The following C12orf42 variants were observed in gnomAD, a reference collection of about 807,000 sequenced individuals.
C12orf42 encodes the protein uncharacterized protein C12orf42.
C12orf42 carries 25 observed loss-of-function variants against 21.6 expected under a neutral mutation model. The ratio of observed to expected loss-of-function variants is 1.16; its 90% confidence interval spans 0.84 to 1.62. The LOEUF (loss-of-function observed/expected upper bound fraction) is 1.62. C12orf42 is among the 40% of genes most tolerant of loss of function. The probability of loss-of-function intolerance (pLI) is 0.00; values close to 1 mark genes in which losing one functional copy is unlikely to be tolerated. For missense variants in C12orf42, 483 were observed against 459.3 expected, an observed-to-expected ratio of 1.05 and a Z score of -0.47; for synonymous variants, 174 against 175.0, an observed-to-expected ratio of 0.99 and a Z score of 0.05.
the C12orf42 span, among the ~76,000 whole-genome samples, chr12:103,105,380 A>T: frequency 6.6e-6 from 1 of 152,228 alleles, no homozygotes; most frequent in African/African-American, 2.4e-5. Flanking sequence ...AATCCTAAAC[A>T]AATTAATGCA....
chr12:103,073,611 G>A, the C12orf42 span, among the ~76,000 whole-genome samples: 2 of 152,120 alleles, frequency 1.3e-5, no homozygotes, highest in African/African-American at 2.4e-5. Flanking sequence ...TCTTGGTCAC[G>A]GTATATGACC....
At chr12:103,265,801 G>GTTTTT (rs1202668018), downstream of C12orf42, among the ~76,000 whole-genome samples, 1 of 90,216 alleles carries the variant, frequency 1.1e-5, no homozygotes, top group Non-Finnish European at 2.1e-5. Context: ...TTCTTAGGCT[G>GTTTTT]TTTTGTTTTG....
At chr12:103,508,444 A>T in the C12orf42 span, among the ~76,000 whole-genome samples, 16 of 135,182 alleles carry the variant, frequency 1.2e-4, no homozygotes, top group African/African-American at 4.4e-4. Flanking sequence ...TTCCAAATTT[A>T]ACATTTAAAT....
At chr12:103,256,921 T>A (rs1026103635) in intron 10 of C12orf42, among the ~76,000 whole-genome samples, 2 of 152,214 alleles carry the variant, frequency 1.3e-5, no homozygotes, top group Non-Finnish European at 2.9e-5. Context: ...CAGCATCTGT[T>A]ATTTTTTGAC....
downstream of C12orf42, among the ~76,000 whole-genome samples, chr12:103,232,638 G>A (rs771055617): frequency 2.0e-5 from 3 of 150,678 alleles, no homozygotes; most frequent in Non-Finnish European, 2.9e-5. Context: ...ATGAAGCCGG[G>A]AGGCAGAGCT....
At chr12:103,153,734 G>A in the C12orf42 span, among the ~76,000 whole-genome samples, 6 of 151,956 alleles carry the variant, frequency 3.9e-5, no homozygotes, top group Non-Finnish European at 8.8e-5. Context: ...CAACCATCTC[G>A]CAAACTGTTT....
chr12:103,496,381 C>T (rs1037988025), upstream of C12orf42, among the ~76,000 whole-genome samples: 8 of 152,166 alleles, frequency 5.3e-5, no homozygotes, highest in African/African-American at 1.9e-4. Flanking sequence ...CAGAGCAAGG[C>T]TGTAGATGGG....
the C12orf42 span, among the ~76,000 whole-genome samples, chr12:103,063,223 T>TACAGAA: frequency 6.6e-6 from 1 of 152,182 alleles, no homozygotes. Flanking sequence ...CAGAAGCAGA[T>TACAGAA]ACAGAGCCTT....
the C12orf42 span, among the ~76,000 whole-genome samples, chr12:103,175,302 G>A: frequency 6.6e-6 from 1 of 152,050 alleles, no homozygotes; most frequent in Non-Finnish European, 1.5e-5. Flanking sequence ...GGGACAAAAT[G>A]CAAAGTCACT....
intron 4 of C12orf42, among the ~76,000 whole-genome samples, chr12:103,343,495 G>C (rs1341761977): frequency 6.6e-6 from 1 of 152,058 alleles, no homozygotes; most frequent in African/African-American, 2.4e-5. Flanking sequence ...AACACTTTCT[G>C]AGGCCGGGCA....
At chr12:103,414,802 G>A (rs1476678037) in intron 2 of C12orf42, among the ~76,000 whole-genome samples, 1 of 152,082 alleles carries the variant, frequency 6.6e-6, no homozygotes, top group Non-Finnish European at 1.5e-5. Flanking sequence ...TGGCAGAGTC[G>A]TTCTAGACTC....
the C12orf42 span, among the ~76,000 whole-genome samples, chr12:103,057,720 A>T: frequency 1.3e-5 from 2 of 152,126 alleles, no homozygotes; most frequent in South Asian, 4.2e-4. Flanking sequence ...TATACCCAGT[A>T]ATAGGATTGC....
the C12orf42 span, among the ~76,000 whole-genome samples, chr12:103,523,518 T>A: frequency 6.6e-6 from 1 of 151,792 alleles, no homozygotes; most frequent in Admixed American, 6.6e-5. Context: ...ATGCTGTAGT[T>A]GCTTAATGAT....
the C12orf42 span, chr12:103,547,968 GC>G: frequency 3.9e-5 from 6 of 152,230 alleles, no homozygotes; most frequent in African/African-American, 1.4e-4. Flanking sequence ...TGTAAAATGA[GC>G]AAGTTAGACA....
the C12orf42 span, among the ~76,000 whole-genome samples, chr12:103,222,329 C>T: frequency 6.6e-6 from 1 of 151,240 alleles, no homozygotes; most frequent in Non-Finnish European, 1.5e-5. Context: ...TTGCAAGGTG[C>T]TCAGTGGGGG....
the C12orf42 span, among the ~76,000 whole-genome samples, chr12:103,191,119 G>T: frequency 2.0e-5 from 3 of 152,134 alleles, no homozygotes; most frequent in Non-Finnish European, 1.5e-5. Flanking sequence ...TCACAGTTCT[G>T]TTGGAGGGAG....
chr12:103,215,602 G>A, the C12orf42 span, among the ~76,000 whole-genome samples: 2 of 152,290 alleles, frequency 1.3e-5, no homozygotes, highest in South Asian at 2.1e-4. Flanking sequence ...CAGTAATCCT[G>A]GATAAGAGAT....
chr12:103,332,997 T>C (rs2041375589), intron 4 of C12orf42, among the ~76,000 whole-genome samples: 1 of 152,160 alleles, frequency 6.6e-6, no homozygotes, highest in Non-Finnish European at 1.5e-5. Context: ...GAATTTCAGA[T>C]AGTAAGCAAT....
At chr12:103,381,302 T>C (rs890196543) in intron 3 of C12orf42, among the ~76,000 whole-genome samples, 1 of 152,166 alleles carries the variant, frequency 6.6e-6, no homozygotes, top group Non-Finnish European at 1.5e-5. Flanking sequence ...GAATGTTCTA[T>C]AGAGCTGAGC....
Sources: allele counts gnomAD v4.1 joint callset (sites outside exome capture counted in the v4.1 genomes callset), GRCh38; gene constraint gnomAD v4.1.1; transcripts MANE v1.5; gene names NCBI Gene and HGNC (gene_info 2026-07-23, HGNC 2026-07-21).